AGK: variants seen among roughly 807,000 people sequenced by gnomAD.
AGK encodes the protein acylglycerol kinase.
In AGK, 52 loss-of-function variants were observed where a neutral mutation model predicts 66.4. That is an observed-to-expected ratio of 0.78 (90% CI 0.63 to 0.99). The LOEUF is 0.99. AGK is among the 50% of genes least tolerant of loss of function. The pLI is 0.00. For synonymous variants in AGK, 182 were observed against 181.1 expected, an observed-to-expected ratio of 1.00 and a Z score of -0.04; for missense variants, 451 against 506.6, an observed-to-expected ratio of 0.89 and a Z score of 1.05.
At chr7:141,650,862 A>C (rs1797539345) in intron 14 of AGK, among the ~76,000 whole-genome samples, 1 of 152,214 alleles carries the variant, frequency 6.6e-6, no homozygotes, top group Admixed American at 6.5e-5. Flanking sequence ...AGACTTAGGC[A>C]CGTCCTCCCT....
At chr7:141,652,368 A>AT (rs1330709474) in intron 15 of AGK, 1 of 157,160 alleles carries the variant, frequency 6.4e-6, no homozygotes, top group African/African-American at 2.4e-5. Flanking sequence ...GATCCAGCAG[A>AT]TACAATAGCA....
At chr7:141,638,535 CAGAT>C (rs1398433224) in intron 11 of AGK, among the ~76,000 whole-genome samples, 17 of 151,788 alleles carry the variant, frequency 1.1e-4, no homozygotes, top group South Asian at 6.2e-4. Context: ...AACAGAAAAA[CAGAT>C]AGGATGTAGG....
intron 2 of AGK, among the ~76,000 whole-genome samples, chr7:141,582,383 G>A (rs1190109540): frequency 3.9e-5 from 6 of 151,974 alleles, no homozygotes; most frequent in Non-Finnish European, 8.8e-5. Context: ...TCAGAAATAC[G>A]TTGCTACTTG....
intron 2 of AGK, among the ~76,000 whole-genome samples, chr7:141,559,665 T>C (rs150896146): frequency 0.011 from 1,720 of 152,318 alleles, 25 homozygotes; most frequent in African/African-American, 0.039. Context: ...GGGATTGCAT[T>C]GAATCTGTAC....
At chr7:141,637,636 T>G (rs1415859476) in intron 11 of AGK, among the ~76,000 whole-genome samples, 1 of 152,210 alleles carries the variant, frequency 6.6e-6, no homozygotes, top group South Asian at 2.1e-4. Context: ...GACTACAGAC[T>G]ATATTCAGCT....
chr7:141,590,468 C>A (rs531080004), intron 2 of AGK, among the ~76,000 whole-genome samples: 1 of 151,786 alleles, frequency 6.6e-6, no homozygotes, highest in African/African-American at 2.4e-5. Context: ...GAGCACAGTC[C>A]GGAGAGGCTG....
intron 9 of AGK, among the ~76,000 whole-genome samples, chr7:141,626,575 T>A (rs1026397494): frequency 6.6e-6 from 1 of 152,230 alleles, no homozygotes; most frequent in African/African-American, 2.4e-5. Context: ...AGTGATATAC[T>A]GAGAAGGCTA....
intron 9 of AGK, among the ~76,000 whole-genome samples, chr7:141,629,498 G>C (rs1489274995): frequency 6.6e-6 from 1 of 152,094 alleles, no homozygotes; most frequent in Admixed American, 6.6e-5. Flanking sequence ...CTTCTACTTT[G>C]TCCATCTGAC....
In AGK at chr7:141,641,913, G is replaced by A. The variant is rs1425637564; in HGVS notation, c.975+5G>A. ...AATAATCAGCTTGACCCGACAGTAA[G>A]TGTGCTTTTTTATTAGAAAAGCATT... On this transcript the variant is annotated splice_donor_5th_base_variant and intron_variant, in intron 13 of 15. Transcript: ENST00000649286. 1.3e-6 allele frequency: 2 copies of A among 1,570,204 alleles called. No homozygotes were observed. Among genetic ancestry groups the A allele is most frequent in the Non-Finnish European group, 1.7e-6 (2 of 1,156,166 alleles).
rs1241544147 is a variant in AGK at position 141,654,130 on chromosome 7, G to A, written c.*1206G>A. The A allele has an allele frequency of 6.6e-6, 1 of 151,584 alleles. No homozygotes were observed. Among genetic ancestry groups the A allele is most frequent in the Admixed American group, 6.6e-5 (1 of 15,246 alleles). 9.4% of individuals were successfully genotyped at this position (151,584 alleles called of 1,614,324 possible). A position where few individuals can be genotyped will look rare whatever the true frequency, so the allele number is the denominator to read the frequency against. On this transcript the variant is annotated 3_prime_UTR_variant, in exon 16 of 16. Transcript: ENST00000649286. ...CTTCTTGTCAACAAAAAATATAAATGGAAATTTTTTTTTTAGCTCTTGCTT... is the reference window on the plus strand; with the variant it reads ...CTTCTTGTCAACAAAAAATATAAATAGAAATTTTTTTTTTAGCTCTTGCTT...
intron 5 of AGK, among the ~76,000 whole-genome samples, chr7:141,605,063 G>A (rs1796428113): frequency 6.6e-6 from 1 of 151,750 alleles, no homozygotes; most frequent in South Asian, 2.1e-4. Flanking sequence ...ACCACAAAAT[G>A]TTGTGTCTTT....
At chr7:141,560,908 C>A (rs1209830791) in intron 2 of AGK, among the ~76,000 whole-genome samples, 1 of 151,846 alleles carries the variant, frequency 6.6e-6, no homozygotes, top group Non-Finnish European at 1.5e-5. Context: ...GCCATTCTGC[C>A]TCAGCCTCCC....
intron 6 of AGK, among the ~76,000 whole-genome samples, chr7:141,613,480 A>G (rs1453315098): frequency 6.6e-6 from 1 of 152,056 alleles, no homozygotes; most frequent in Non-Finnish European, 1.5e-5. Flanking sequence ...TTAGCAGGGC[A>G]TGGTGGTGGG....
intron 10 of AGK, among the ~76,000 whole-genome samples, chr7:141,635,431 C>T (rs1272840925): frequency 6.6e-6 from 1 of 152,112 alleles, no homozygotes; most frequent in African/African-American, 2.4e-5. Context: ...ACTTGGCTAA[C>T]TAGGGAAAGA....
chr7:141,641,683 A>G lies in AGK; in HGVS notation c.878-128A>G, dbSNP rs1262975607. On this transcript the variant is annotated intron_variant, in intron 12 of 15. Coordinates refer to ENST00000649286, the MANE Select transcript of AGK (RefSeq NM_018238.4). ...CCTCTATGTATAAGAAGCATGAAAT[A>G]AATAAAATGAAGGCAGAGTCAGCAG... 8.8e-5 allele frequency: 70 copies of G among 796,046 alleles called. No homozygotes were observed. In the South Asian group the frequency reaches 1.1e-3, roughly 13 times the overall value. The allele number at this position is 796,046 out of a possible 1,614,324, so 49.3% of individuals were successfully genotyped here.
chr7:141,636,462 G>A (rs1230925873), intron 10 of AGK, among the ~76,000 whole-genome samples: 1 of 152,164 alleles, frequency 6.6e-6, no homozygotes, highest in Non-Finnish European at 1.5e-5. Flanking sequence ...GCTGCACACC[G>A]AGTACTGTGT....
intron 9 of AGK, among the ~76,000 whole-genome samples, chr7:141,633,468 A>G (rs915877775): frequency 6.6e-6 from 1 of 152,228 alleles, no homozygotes; most frequent in African/African-American, 2.4e-5. Context: ...TATTCAGGTG[A>G]AACATTCTAG....
chr7:141,572,883 G>T (rs2116880911), intron 2 of AGK, among the ~76,000 whole-genome samples: 1 of 152,250 alleles, frequency 6.6e-6, no homozygotes, highest in East Asian at 1.9e-4. Context: ...TACTTTTGGT[G>T]CAGATTATGG....
At chr7:141,623,746 C>A (rs118123628) in intron 9 of AGK, among the ~76,000 whole-genome samples, 2,715 of 152,292 alleles carry the variant, frequency 0.018, 37 homozygotes, top group Middle Eastern at 0.027. Context: ...TACTAAACAA[C>A]AGGTTTTCTA....
Sources: allele counts gnomAD v4.1 joint callset (sites outside exome capture counted in the v4.1 genomes callset), GRCh38; gene constraint gnomAD v4.1.1; transcripts MANE v1.5; gene names NCBI Gene and HGNC (gene_info 2026-07-23, HGNC 2026-07-21).